LHFPL3: variants seen among roughly 807,000 people sequenced by gnomAD.
LHFPL3 encodes the protein LHFPL tetraspan subfamily member 3 protein.
In LHFPL3, 5 loss-of-function variants were observed where a neutral mutation model predicts 19.3. That is an observed-to-expected ratio of 0.26 (90% CI 0.14 to 0.54). The LOEUF is 0.54. Among genes scored for constraint, LHFPL3 ranks in the 20% least tolerant of loss-of-function variants. The pLI is 0.94. For missense variants in LHFPL3, 249 were observed against 307.4 expected, an observed-to-expected ratio of 0.81 and a Z score of 1.42; for synonymous variants, 133 against 126.2, an observed-to-expected ratio of 1.05 and a Z score of -0.36.
intron 1 of LHFPL3, among the ~76,000 whole-genome samples, chr7:104,457,970 T>A (rs1394105944): frequency 1.4e-5 from 2 of 147,024 alleles, no homozygotes; most frequent in African/African-American, 5.1e-5. Context: ...TTGTTTGTTT[T>A]TTTCTTGTAA....
intron 1 of LHFPL3, among the ~76,000 whole-genome samples, chr7:104,339,162 C>T (rs1472884090): frequency 6.6e-6 from 1 of 152,046 alleles, no homozygotes; most frequent in Non-Finnish European, 1.5e-5. Flanking sequence ...ATAGGAGAAT[C>T]ACTTGAACCC....
chr7:104,882,190 A>G (rs775718942), intron 2 of LHFPL3, among the ~76,000 whole-genome samples: 16 of 152,212 alleles, frequency 1.1e-4, no homozygotes, highest in Non-Finnish European at 1.8e-4. Context: ...CCTTGAAAAC[A>G]TTAGGCTAAC....
intron 1 of LHFPL3, among the ~76,000 whole-genome samples, chr7:104,457,599 G>A (rs1792573368): frequency 6.7e-6 from 1 of 149,502 alleles, no homozygotes; most frequent in Admixed American, 6.7e-5. Context: ...CTTTATAGCA[G>A]CATGATTTAT....
At chr7:104,470,622 C>T (rs984380142) in intron 1 of LHFPL3, among the ~76,000 whole-genome samples, 34 of 152,170 alleles carry the variant, frequency 2.2e-4, no homozygotes, top group African/African-American at 8.2e-4. Flanking sequence ...CTATCATTCC[C>T]TATTGTACAG....
chr7:104,876,510 A>C (rs1044260108), intron 2 of LHFPL3, among the ~76,000 whole-genome samples: 5 of 151,198 alleles, frequency 3.3e-5, no homozygotes, highest in Non-Finnish European at 5.9e-5. Flanking sequence ...ATGCAGCCAA[A>C]AGACACATGA....
At chr7:104,485,174 T>C (rs1450705197) in intron 1 of LHFPL3, among the ~76,000 whole-genome samples, 1 of 152,198 alleles carries the variant, frequency 6.6e-6, no homozygotes, top group Admixed American at 6.5e-5. Flanking sequence ...CCGTATCTTA[T>C]TCTCATCCTC....
At chr7:104,551,434 G>T (rs1477064075) in intron 1 of LHFPL3, among the ~76,000 whole-genome samples, 1 of 152,072 alleles carries the variant, frequency 6.6e-6, no homozygotes, top group Non-Finnish European at 1.5e-5. Context: ...CAGAGGTGTG[G>T]AGTGCAGTGT....
At chr7:104,338,933 C>G (rs1011308750) in intron 1 of LHFPL3, among the ~76,000 whole-genome samples, 1 of 152,166 alleles carries the variant, frequency 6.6e-6, no homozygotes, top group Admixed American at 6.5e-5. Flanking sequence ...ACTTAACATA[C>G]TCTTCTCATT....
At chr7:104,509,012 A>C (rs1050918438) in intron 1 of LHFPL3, among the ~76,000 whole-genome samples, 1 of 152,124 alleles carries the variant, frequency 6.6e-6, no homozygotes, top group Admixed American at 6.6e-5. Flanking sequence ...AAAATGAACC[A>C]ATTTCTGAAC....
At chr7:104,486,045 C>A (rs931174501) in intron 1 of LHFPL3, among the ~76,000 whole-genome samples, 20 of 152,188 alleles carry the variant, frequency 1.3e-4, no homozygotes, top group Non-Finnish European at 1.9e-4. Context: ...CCTTCAAGTA[C>A]TGATGGAATC....
At chr7:104,505,246 C>T (rs918802896) in intron 1 of LHFPL3, among the ~76,000 whole-genome samples, 4 of 152,200 alleles carry the variant, frequency 2.6e-5, no homozygotes, top group African/African-American at 7.2e-5. Context: ...TGTCTTCTAA[C>T]TCCATGATTA....
intron 1 of LHFPL3, among the ~76,000 whole-genome samples, chr7:104,616,901 A>G (rs1791356955): frequency 6.6e-6 from 1 of 152,232 alleles, no homozygotes; most frequent in African/African-American, 2.4e-5. Flanking sequence ...ATGAAAAAAA[A>G]GGTCATCATC....
At chr7:104,688,054 TC>T (rs1390923612) in intron 1 of LHFPL3, among the ~76,000 whole-genome samples, 1 of 152,228 alleles carries the variant, frequency 6.6e-6, no homozygotes. Context: ...TGTGAACTGT[TC>T]AGAGATTTAT....
intron 1 of LHFPL3, among the ~76,000 whole-genome samples, chr7:104,528,271 T>C (rs1794228402): frequency 6.6e-6 from 1 of 152,198 alleles, no homozygotes; most frequent in African/African-American, 2.4e-5. Flanking sequence ...GTTGCTATGA[T>C]TGGAAGAAAT....
At position 104,821,856 on chromosome 7, in the gene LHFPL3, T is replaced by G. The variant is rs146181277; in HGVS notation, c.683-84331T>G. On this transcript the variant is annotated intron_variant, in intron 2 of 2. Transcript: ENST00000424859. Reference sequence around the variant, plus strand: ...TACAATAAACTGCACAAATGCACTTTGCAAACATAGATTAAGTAGTGTAAT... The same window carrying G: ...TACAATAAACTGCACAAATGCACTTGGCAAACATAGATTAAGTAGTGTAAT... 2.5e-4 allele frequency among the ~76,000 whole-genome samples: 38 copies of G among 152,334 alleles called. No homozygotes were observed. In the East Asian group the frequency reaches 6.9e-3, roughly 28 times the overall value.
At position 104,726,055 on chromosome 7, in the gene LHFPL3, C is replaced by CA. The variant is rs56697785; in HGVS notation, c.446-10599dup. Among the ~76,000 whole-genome samples, 360 of 74,920 alleles carry CA rather than the reference C, an allele frequency of 4.8e-3. 2 individuals are homozygous for CA. Among genetic ancestry groups the CA allele is most frequent in the Admixed American group, 9.9e-3 (55 of 5,580 alleles). 49.2% of individuals were successfully genotyped at this position (74,920 alleles called of 152,430 possible). A position where few individuals can be genotyped will look rare whatever the true frequency, so the allele number is the denominator to read the frequency against. On this transcript the variant is annotated intron_variant, in intron 1 of 2. Transcript: ENST00000424859. ...TGACAGAGTGAGACTCCATCTCAGG[C>CA]AAAAAAAAAAAAAAAAAAAAATTCT...
intron 1 of LHFPL3, among the ~76,000 whole-genome samples, chr7:104,576,969 G>A (rs1443267352): frequency 1.3e-5 from 2 of 152,060 alleles, no homozygotes; most frequent in Non-Finnish European, 2.9e-5. Flanking sequence ...CCTTTCTTGG[G>A]CCTTGGGCTC....
At position 104,328,792 on chromosome 7, in the gene LHFPL3, G is replaced by T. The variant is rs987503596; in HGVS notation, c.13G>T (p.Ala5Ser). Reference protein sequence around the residue: MPGAAAAAAAAAAAM... With the variant: MPGASAAAAAAAAAM... ...GAGGAGGGGGAGAATGCCCGGAGCC[G>T]CCGCCGCTGCCGCCGCCGCCGCCGC... The change falls in exon 1 of 3, where the codon GCC becomes TCC. Residue 5 changes from alanine (A) to serine (S), a missense_variant. Physicochemically the swap from Ala to Ser is moderately conservative, Grantham distance 99 (BLOSUM62 1). Transcript: ENST00000424859. This position sits in a 1 kb window ranked among gnomAD's most constrained non-coding sequence, Gnocchi z 4.6. 44 of 1,596,632 alleles carry T rather than the reference G, an allele frequency of 2.8e-5. No homozygotes were observed. Among genetic ancestry groups the T allele is most frequent in the Non-Finnish European group, 3.5e-5 (41 of 1,171,556 alleles).
chr7:104,831,770 T>C (rs1216004548), intron 2 of LHFPL3, among the ~76,000 whole-genome samples: 2 of 143,552 alleles, frequency 1.4e-5, no homozygotes, highest in Non-Finnish European at 3.1e-5. Flanking sequence ...TGTGTAATTG[T>C]AGATAGTGTT....
Sources: gnomAD v4.1 joint callset for allele counts (sites outside exome capture counted in the v4.1 genomes callset) on GRCh38, gnomAD v4.1.1 for gene constraint, Gnocchi (gnomAD v3.1) non-coding constraint, MANE v1.5 for transcripts, NCBI Gene and HGNC (gene_info 2026-07-23, HGNC 2026-07-21) for gene names.